PPP3CA: variants seen among roughly 807,000 people sequenced by gnomAD.
PPP3CA encodes CAM-PRP catalytic subunit.
In PPP3CA, 14 loss-of-function variants were observed where a neutral mutation model predicts 66.5. That is an observed-to-expected ratio of 0.21 (90% CI 0.14 to 0.33). PPP3CA has a LOEUF of 0.33. Ranked by LOEUF, PPP3CA falls within the 10% of genes least tolerant of loss-of-function variation. PPP3CA has a pLI of 1.00. For synonymous variants in PPP3CA, 232 were observed against 226.2 expected, an observed-to-expected ratio of 1.03 and a Z score of -0.23; for missense variants, 317 against 639.5, an observed-to-expected ratio of 0.50 and a Z score of 5.44.
At chr4:101,189,830 C>T (rs1175501617) in intron 2 of PPP3CA, among the ~76,000 whole-genome samples, 4 of 151,734 alleles carry the variant, frequency 2.6e-5, no homozygotes, top group African/African-American at 4.8e-5. Flanking sequence ...AAAGCATGTT[C>T]GCTAAAATGA....
chr4:101,210,093 G>T (rs571118900), intron 1 of PPP3CA, among the ~76,000 whole-genome samples: 5 of 152,242 alleles, frequency 3.3e-5, no homozygotes, highest in African/African-American at 1.2e-4. Context: ...AAGAGTCTGT[G>T]ACCCAAAGAG....
At chr4:101,247,162 T>A (rs1726511964) in intron 1 of PPP3CA, among the ~76,000 whole-genome samples, 1 of 151,976 alleles carries the variant, frequency 6.6e-6, no homozygotes, top group Non-Finnish European at 1.5e-5. Flanking sequence ...TTTTTCCTTT[T>A]CGTTTTTTCT....
chr4:101,278,144 A>AAAAAAAAAAAAAAAAAAAAAT (rs1163329750), intron 1 of PPP3CA, among the ~76,000 whole-genome samples: 1 of 145,176 alleles, frequency 6.9e-6, no homozygotes, highest in African/African-American at 2.6e-5. Flanking sequence ...AAAAAATAAA[A>AAAAAAAAAAAAAAAAAAAAAT]AAATTAAAAA....
intron 7 of PPP3CA, among the ~76,000 whole-genome samples, 193 bp downstream of exon 7, chr4:101,082,993 T>C (rs1382079857): frequency 1.3e-5 from 2 of 152,182 alleles, no homozygotes; most frequent in Non-Finnish European, 2.9e-5. Context: ...TACGGGAGAC[T>C]GTACGATACA....
intron 2 of PPP3CA, among the ~76,000 whole-genome samples, chr4:101,144,390 A>T (rs190256530): frequency 2.6e-5 from 4 of 152,274 alleles, no homozygotes; most frequent in Non-Finnish European, 4.4e-5. Context: ...ATAGTATTGC[A>T]AATATATCAA....
At chr4:101,116,843 A>G (rs1721852178) in intron 2 of PPP3CA, among the ~76,000 whole-genome samples, 1 of 151,922 alleles carries the variant, frequency 6.6e-6, no homozygotes, top group Admixed American at 6.6e-5. Context: ...ACTTTATAAA[A>G]AACAAACTGT....
At chr4:101,059,304 A>G (rs901919433) in intron 10 of PPP3CA, among the ~76,000 whole-genome samples, 1 of 152,094 alleles carries the variant, frequency 6.6e-6, no homozygotes, top group Non-Finnish European at 1.5e-5. Context: ...TATATTCTTA[A>G]TTTTAGCCCA....
chr4:101,260,312 A>C (rs574722889), intron 1 of PPP3CA, among the ~76,000 whole-genome samples: 2 of 152,254 alleles, frequency 1.3e-5, no homozygotes, highest in East Asian at 3.9e-4. Context: ...AAATATAATA[A>C]CTTTAAAACT....
intron 1 of PPP3CA, among the ~76,000 whole-genome samples, chr4:101,243,295 C>T (rs180808110): frequency 7.2e-5 from 11 of 152,296 alleles, no homozygotes; most frequent in Admixed American, 7.2e-4. Context: ...ATAGTGCATA[C>T]TCTTATTTGT....
intron 2 of PPP3CA, among the ~76,000 whole-genome samples, chr4:101,114,192 A>G (rs1721769440): frequency 6.6e-6 from 1 of 152,148 alleles, no homozygotes. Context: ...CTGGCTGAAT[A>G]TTCCAAAAAT....
At chr4:101,057,147 C>T (rs562468767) in intron 10 of PPP3CA, among the ~76,000 whole-genome samples, 50 of 151,944 alleles carry the variant, frequency 3.3e-4, no homozygotes, top group Non-Finnish European at 5.1e-4. Flanking sequence ...CTCTGTCTCC[C>T]GGGTTCAAGC....
intron 2 of PPP3CA, among the ~76,000 whole-genome samples, chr4:101,149,396 A>G (rs564658069): frequency 6.6e-6 from 1 of 152,298 alleles, no homozygotes; most frequent in African/African-American, 2.4e-5. Flanking sequence ...AATTGGTTTC[A>G]TTCTCTAGCT....
chr4:101,063,151 C>G, intron 9 of PPP3CA, 81 bp downstream of exon 9: 2 of 1,484,534 alleles, frequency 1.3e-6, no homozygotes, highest in South Asian at 1.4e-5. Flanking sequence ...GGCCAAAGTT[C>G]TTCTCTTTCT....
At chr4:101,210,378 A>G (rs1454771350) in intron 1 of PPP3CA, among the ~76,000 whole-genome samples, 1 of 152,198 alleles carries the variant, frequency 6.6e-6, no homozygotes, top group Non-Finnish European at 1.5e-5. Flanking sequence ...CTCAGAAGCC[A>G]GACTGCCTAG....
chr4:101,347,105 T>C lies in PPP3CA; in HGVS notation c.-309A>G, dbSNP rs1463522941. 3 of 487,688 alleles carry C rather than the reference T, an allele frequency of 6.2e-6. No homozygotes were observed. Among genetic ancestry groups the C allele is most frequent in the African/African-American group, 4.2e-5 (2 of 47,650 alleles). 30.2% of individuals were successfully genotyped at this position (487,688 alleles called of 1,614,324 possible). On this transcript the variant is annotated 5_prime_UTR_variant, in exon 1 of 14. Coordinates refer to ENST00000394854, the MANE Select transcript of PPP3CA (RefSeq NM_000944.5). The stretch of plus-strand genomic sequence containing the variant: ...ACGCCTCCCGGTTCTTCTTTTATTC[T>C]TGGGGGAAGGGGGATGGGGAGGAGA...
Position 101,309,277 on chromosome 4 carries a change from T to C in PPP3CA, c.58+37462A>G, listed in dbSNP as rs530266701. Among the ~76,000 whole-genome samples the C allele has an allele frequency of 3.9e-5, 6 of 152,312 alleles. No homozygotes were observed. The South Asian group carries it at 1.2e-3, about 32-fold the overall frequency. On this transcript the variant is annotated intron_variant, in intron 1 of 13. Transcript: ENST00000394854. ...ACGATACTACACATCAGGTATTATC[T>C]TGGTACTTCCTGTTGCTTCCAGTTA...
At chr4:101,163,892 C>T (rs1231857415) in intron 2 of PPP3CA, among the ~76,000 whole-genome samples, 1 of 151,880 alleles carries the variant, frequency 6.6e-6, no homozygotes, top group Non-Finnish European at 1.5e-5. Context: ...TAGCCAGTAG[C>T]TATTTATCAT....
At chr4:101,334,864 C>T (rs542822385) in intron 1 of PPP3CA, among the ~76,000 whole-genome samples, 21 of 152,138 alleles carry the variant, frequency 1.4e-4, no homozygotes, top group African/African-American at 5.1e-4. Context: ...CTAGGATAAA[C>T]AAATCCAGAT....
intron 2 of PPP3CA, among the ~76,000 whole-genome samples, chr4:101,187,462 G>A (rs940495116): frequency 2.0e-5 from 3 of 152,094 alleles, no homozygotes; most frequent in African/African-American, 7.2e-5. Context: ...CAAGTGGAAT[G>A]GATATTTTAT....
Sources: allele counts gnomAD v4.1 joint callset (sites outside exome capture counted in the v4.1 genomes callset), GRCh38; gene constraint gnomAD v4.1.1; transcripts MANE v1.5; gene names NCBI Gene and HGNC (gene_info 2026-07-23, HGNC 2026-07-21).